FAF1: variants seen among roughly 807,000 people sequenced by gnomAD.
FAF1 encodes Fas associated factor 1.
In FAF1, 25 loss-of-function variants were observed where a neutral mutation model predicts 92.5. That is an observed-to-expected ratio of 0.27 (90% CI 0.20 to 0.38). The LOEUF (loss-of-function observed/expected upper bound fraction) is 0.38, where lower values mean the gene tolerates loss of function less well. Ranked by LOEUF, FAF1 falls within the 10% of genes least tolerant of loss-of-function variation. The probability of loss-of-function intolerance (pLI) is 1.00; values close to 1 mark genes in which losing one functional copy is unlikely to be tolerated. For synonymous variants in FAF1, 234 were observed against 273.2 expected, an observed-to-expected ratio of 0.86 and a Z score of 1.42; for missense variants, 636 against 793.3, an observed-to-expected ratio of 0.80 and a Z score of 2.38.
chr1:50,539,279 T>C (rs908986074), intron 14 of FAF1, among the ~76,000 whole-genome samples: 8 of 152,206 alleles, frequency 5.3e-5, no homozygotes, highest in African/African-American at 1.9e-4. Flanking sequence ...TAAATCAATA[T>C]AAATAGAAAT....
At chr1:50,489,684 CT>C (rs1471133610) in intron 17 of FAF1, among the ~76,000 whole-genome samples, 1 of 152,172 alleles carries the variant, frequency 6.6e-6, no homozygotes. Flanking sequence ...GAAAAATCCT[CT>C]ATATTGCTAT....
intron 13 of FAF1, among the ~76,000 whole-genome samples, chr1:50,563,695 A>G (rs1160407330): frequency 3.9e-5 from 6 of 152,222 alleles, no homozygotes. Flanking sequence ...TGTTTACTGA[A>G]ACCAACAAAA....
chr1:50,524,788 C>T (rs935369513), intron 15 of FAF1, among the ~76,000 whole-genome samples: 12 of 152,110 alleles, frequency 7.9e-5, no homozygotes, highest in African/African-American at 2.2e-4. Context: ...GGTACTGCAA[C>T]CCTGTAGTAT....
intron 13 of FAF1, among the ~76,000 whole-genome samples, chr1:50,543,329 C>T (rs1648844973): frequency 6.6e-6 from 1 of 152,076 alleles, no homozygotes; most frequent in Non-Finnish European, 1.5e-5. Flanking sequence ...TGCTCACTGC[C>T]TACCTACCGT....
chr1:50,916,054 A>G (rs1644916601), intron 1 of FAF1, among the ~76,000 whole-genome samples: 1 of 152,196 alleles, frequency 6.6e-6, no homozygotes, highest in African/African-American at 2.4e-5. Context: ...CTGAGCTTCT[A>G]AGTAATTTTT....
chr1:50,731,968 TCTA>T (rs1254992468), intron 6 of FAF1, among the ~76,000 whole-genome samples: 1 of 152,140 alleles, frequency 6.6e-6, no homozygotes, highest in Non-Finnish European at 1.5e-5. Flanking sequence ...GGCTTTGTGT[TCTA>T]CTACATGGTC....
At chr1:50,944,568 G>T (rs1409025070) in intron 1 of FAF1, among the ~76,000 whole-genome samples, 1 of 152,162 alleles carries the variant, frequency 6.6e-6, no homozygotes, top group East Asian at 1.9e-4. Context: ...TCAGGCGCAA[G>T]AGGGTCAAGG....
chr1:50,806,402 TACAA>T (rs1481971658), intron 2 of FAF1, among the ~76,000 whole-genome samples: 3 of 152,182 alleles, frequency 2.0e-5, no homozygotes, highest in African/African-American at 4.8e-5. Context: ...TCATACACTG[TACAA>T]ACAACTTTCA....
At chr1:50,636,379 C>CTTTTTTTTT (rs1213567555) in intron 8 of FAF1, among the ~76,000 whole-genome samples, 3 of 79,876 alleles carry the variant, frequency 3.8e-5, no homozygotes, top group African/African-American at 5.6e-5. Context: ...GGGGCGTGTC[C>CTTTTTTTTT]TTTTTTTTTT....
At chr1:50,686,672 C>A (rs1254357556) in intron 7 of FAF1, among the ~76,000 whole-genome samples, 1 of 151,930 alleles carries the variant, frequency 6.6e-6, no homozygotes, top group Non-Finnish European at 1.5e-5. Flanking sequence ...ATAAAACTAT[C>A]CAGTGCTTAA....
intron 2 of FAF1, among the ~76,000 whole-genome samples, chr1:50,827,022 C>T (rs946603880): frequency 2.7e-5 from 4 of 146,958 alleles, no homozygotes; most frequent in South Asian, 2.2e-4. Flanking sequence ...TCTGCCCGGC[C>T]GCCCCGTCTG....
intron 7 of FAF1, among the ~76,000 whole-genome samples, chr1:50,696,351 C>T (rs1481552355): frequency 6.6e-6 from 1 of 152,130 alleles, no homozygotes; most frequent in Non-Finnish European, 1.5e-5. Flanking sequence ...CTCTTGGGTG[C>T]CTACAGTCAT....
intron 13 of FAF1, among the ~76,000 whole-genome samples, chr1:50,552,009 T>C (rs1649329476): frequency 6.6e-6 from 1 of 152,156 alleles, no homozygotes; most frequent in South Asian, 2.1e-4. Context: ...GTACGAAAAC[T>C]GCAGGCCAGG....
intron 4 of FAF1, among the ~76,000 whole-genome samples, chr1:50,748,136 T>C (rs928349909): frequency 6.6e-6 from 1 of 152,134 alleles, no homozygotes; most frequent in Non-Finnish European, 1.5e-5. Flanking sequence ...GAGACTTAAA[T>C]TAAACTTGAA....
chr1:50,668,461 G>A (rs1655726694), intron 7 of FAF1, among the ~76,000 whole-genome samples: 1 of 152,194 alleles, frequency 6.6e-6, no homozygotes, highest in African/African-American at 2.4e-5. Flanking sequence ...TTGTAGGCAG[G>A]AGGGCAGAAA....
At chr1:50,780,151 CAT>C (rs1661117181) in intron 4 of FAF1, among the ~76,000 whole-genome samples, 2 of 152,168 alleles carry the variant, frequency 1.3e-5, no homozygotes, top group Non-Finnish European at 2.9e-5. Flanking sequence ...AACCAAAAGA[CAT>C]AAAGTAGGTG....
At chr1:50,758,242 C>G (rs1047479087) in intron 4 of FAF1, among the ~76,000 whole-genome samples, 3 of 152,100 alleles carry the variant, frequency 2.0e-5, no homozygotes, top group African/African-American at 7.2e-5. Flanking sequence ...TTAGTAGAGA[C>G]AGGGTTTCAC....
chr1:50,458,774 G>C (rs534945315), intron 18 of FAF1, among the ~76,000 whole-genome samples: 1 of 152,258 alleles, frequency 6.6e-6, no homozygotes, highest in African/African-American at 2.4e-5. Context: ...TACTATGCTA[G>C]TGCTTTATGT....
In FAF1 at chr1:50,574,907, T is replaced by G. The variant is rs867541012; in HGVS notation, c.1114-7676A>C. ...TAGAGTTGTATTAACTCTTTTTTTT[T>G]TTTTTTTTTTTTTTTTTTTGAGACA... On this transcript the variant is annotated intron_variant, in intron 12 of 18. Transcript: ENST00000396153. Among the ~76,000 whole-genome samples, 222 of 129,268 alleles carry G rather than the reference T, an allele frequency of 1.7e-3. 9 individuals are homozygous for G. Among genetic ancestry groups the G allele is most frequent in the African/African-American group, 6.4e-3 (213 of 33,184 alleles). 84.8% of individuals were successfully genotyped at this position (129,268 alleles called of 152,430 possible).
Sources: gnomAD v4.1 joint callset for allele counts (sites outside exome capture counted in the v4.1 genomes callset) on GRCh38, gnomAD v4.1.1 for gene constraint, MANE v1.5 for transcripts, NCBI Gene and HGNC (gene_info 2026-07-23, HGNC 2026-07-21) for gene names.